Variants in ANKRD30B observed in about 807,000 individuals in gnomAD.
ANKRD30B encodes ankyrin repeat domain-containing protein 30B.
In ANKRD30B, 144 loss-of-function variants were observed where a neutral mutation model predicts 202.2. The observed-to-expected ratio is 0.71, with a 90% CI of 0.62 to 0.82. The LOEUF is 0.82. Among genes scored for constraint, ANKRD30B ranks in the 40% least tolerant of loss-of-function variants. The pLI is 0.00. For missense variants in ANKRD30B, 1,487 were observed against 1,669.1 expected (o/e 0.89, Z 1.90); for synonymous variants, 508 against 561.3 (o/e 0.91, Z 1.34).
Position 14,831,403 on chromosome 18 carries a change from C to T in ANKRD30B, c.2795C>T (p.Thr932Ile), listed in dbSNP as rs1317748448. ...STFSLFGKPT[T>I]ENSQSTKVEE... Reference sequence around the variant, plus strand: ...TCTAGTCTTTTTGGCAAACCGACTACTGAAAATTCACAGTCTACAAAAGTT... The same window carrying T: ...TCTAGTCTTTTTGGCAAACCGACTATTGAAAATTCACAGTCTACAAAAGTT... The change falls in exon 34 of 44, where the codon ACT (threonine) becomes ATT (isoleucine). Residue 932 changes from threonine to isoleucine, a missense_variant. Physicochemically the swap from Thr to Ile is moderately conservative, Grantham distance 89. Transcript: ENST00000690538. 1 of 1,530,214 alleles carries T rather than the reference C, an allele frequency of 6.5e-7. No individual in the cohort carries two copies. The highest frequency in any genetic ancestry group is 8.8e-7 in the Non-Finnish European group (1 of 1,135,652). The allele number at this position is 1,530,214 out of a possible 1,614,324, so 94.8% of individuals were successfully genotyped here.
In ANKRD30B at chr18:14,843,751, G is replaced by A. The variant is rs555149424; in HGVS notation, c.3181+655G>A. On this transcript the variant is annotated intron_variant, in intron 39 of 43. Coordinates refer to ENST00000690538, the MANE Select transcript of ANKRD30B (RefSeq NM_001367607.2). ...GGAGCTTGCAGTGAGCCGAGATGGC[G>A]CCACTGCACTCCAGCCTAGGGGACA... is the stretch of plus-strand genomic sequence containing the variant. Among the ~76,000 whole-genome samples, 846 of 152,150 alleles carry A rather than the reference G, an allele frequency of 5.6e-3. 6 individuals are homozygous for A. Among genetic ancestry groups the A allele is most frequent in the African/African-American group, 0.02 (820 of 41,496 alleles).
At chr18:14,806,172 AT>A (rs1311097458) in intron 24 of ANKRD30B, among the ~76,000 whole-genome samples, 2 of 149,514 alleles carry the variant, frequency 1.3e-5, no homozygotes, top group African/African-American at 5.0e-5. Context: ...GTCAGCCCAG[AT>A]CTCAACACTG....
rs537830732 is a variant in ANKRD30B at position 14,774,827 on chromosome 18, A to G, written c.1329+2599A>G. Among the ~76,000 whole-genome samples the G allele has an allele frequency of 2.7e-5, 4 of 146,434 alleles. No homozygotes were observed. The South Asian group carries it at 8.5e-4, about 31-fold the overall frequency. ...TTTTTGTTCTAGGTTATTTTAGCTA[A>G]AAAAAAAAAAAATCTAAGGGCCAGG... On this transcript the variant is annotated intron_variant, in intron 9 of 43. Coordinates refer to ENST00000690538, the MANE Select transcript of ANKRD30B (RefSeq NM_001367607.2).
chr18:14,855,941 C>A (rs1218016061), downstream of ANKRD30B, among the ~76,000 whole-genome samples: 1 of 148,932 alleles, frequency 6.7e-6, no homozygotes, highest in Non-Finnish European at 1.5e-5. Flanking sequence ...GGCGGCCTGG[C>A]AGAGGCGCTC....
intron 18 of ANKRD30B, 43 bp downstream of exon 18, chr18:14,796,458 T>A: frequency 6.6e-7 from 1 of 1,507,366 alleles, no homozygotes; most frequent in Non-Finnish European, 8.9e-7. Context: ...TTAAGAATAT[T>A]AAACTATTTG....
intron 7 of ANKRD30B, among the ~76,000 whole-genome samples, chr18:14,768,716 A>G (rs571658964): frequency 6.6e-6 from 1 of 152,338 alleles, no homozygotes; most frequent in East Asian, 1.9e-4. Context: ...CTTTCTACAC[A>G]TAGAGCAGAT....
At chr18:14,810,048 C>A (rs1334739063) in intron 27 of ANKRD30B, 34 bp downstream of exon 27, 2 of 1,455,834 alleles carry the variant, frequency 1.4e-6, no homozygotes, top group African/African-American at 1.4e-5. Context: ...TTGAATATTA[C>A]CTACATATTT....
At chr18:14,796,185 G>A (rs537069910) in intron 16 of ANKRD30B, 36 bp from the exon 17 acceptor site, 3 of 1,553,198 alleles carry the variant, frequency 1.9e-6, no homozygotes, top group South Asian at 2.2e-5. Flanking sequence ...TGTCAGGCTT[G>A]CATATAATCA....
At chr18:14,770,116 C>A (rs1966900176) in intron 8 of ANKRD30B, among the ~76,000 whole-genome samples, 2 of 151,934 alleles carry the variant, frequency 1.3e-5, no homozygotes, top group African/African-American at 2.4e-5. Flanking sequence ...TTTCTAGAGT[C>A]TTTTTTTCTT....
At chr18:14,934,795 G>C in the ANKRD30B span, among the ~76,000 whole-genome samples, 1 of 152,108 alleles carries the variant, frequency 6.6e-6, no homozygotes, top group African/African-American at 2.4e-5. Flanking sequence ...GCAGTCATGG[G>C]AGACGCTGGC....
intron 30 of ANKRD30B, among the ~76,000 whole-genome samples, chr18:14,821,051 G>C (rs1235439251): frequency 1.3e-5 from 2 of 152,164 alleles, no homozygotes; most frequent in Admixed American, 6.5e-5. Context: ...TCCTGTTATT[G>C]TTCTATTCAG....
chr18:14,938,549 T>C, the ANKRD30B span, among the ~76,000 whole-genome samples: 2 of 152,166 alleles, frequency 1.3e-5, no homozygotes, highest in African/African-American at 4.8e-5. Context: ...GTCTGAGACA[T>C]TCATAGTTCA....
chr18:14,937,679 C>T, the ANKRD30B span, among the ~76,000 whole-genome samples: 2 of 152,198 alleles, frequency 1.3e-5, no homozygotes, highest in Non-Finnish European at 2.9e-5. Context: ...AGCCGGTTCC[C>T]GCTCTGTGAA....
At chr18:14,827,084 C>T (rs914090395) in intron 32 of ANKRD30B, among the ~76,000 whole-genome samples, 5 of 152,032 alleles carry the variant, frequency 3.3e-5, no homozygotes, top group African/African-American at 1.2e-4. Flanking sequence ...TGTTAGGCTA[C>T]TAATTATTTC....
At chr18:14,844,015 G>A (rs2143205892) in intron 39 of ANKRD30B, among the ~76,000 whole-genome samples, 1 of 152,150 alleles carries the variant, frequency 6.6e-6, no homozygotes, top group Non-Finnish European at 1.5e-5. Flanking sequence ...TGTAGAATTT[G>A]TTTTCAACTG....
chr18:14,937,667 C>T, the ANKRD30B span, among the ~76,000 whole-genome samples: 1 of 152,200 alleles, frequency 6.6e-6, no homozygotes. Flanking sequence ...ACCGCTTGCT[C>T]GAGCCGGTTC....
At chr18:14,815,597 T>A (rs1283946145) in intron 30 of ANKRD30B, among the ~76,000 whole-genome samples, 3 of 152,142 alleles carry the variant, frequency 2.0e-5, no homozygotes, top group Non-Finnish European at 2.9e-5. Flanking sequence ...CAGAAAAGGT[T>A]AGGAGAAAGC....
At chr18:14,930,566 G>A in the ANKRD30B span, among the ~76,000 whole-genome samples, 1 of 152,214 alleles carries the variant, frequency 6.6e-6, no homozygotes, top group South Asian at 2.1e-4. Context: ...CTTCCTCTAA[G>A]GCCATGGACG....
At chr18:14,767,150 G>A (rs898145055) in intron 7 of ANKRD30B, among the ~76,000 whole-genome samples, 3 of 152,154 alleles carry the variant, frequency 2.0e-5, no homozygotes, top group Non-Finnish European at 2.9e-5. Flanking sequence ...AGTAAAGTGT[G>A]AGGAAAAGTG....
Sources: gnomAD v4.1 joint callset for allele counts (sites outside exome capture counted in the v4.1 genomes callset) on GRCh38, gnomAD v4.1.1 for gene constraint, MANE v1.5 for transcripts, NCBI Gene and HGNC (gene_info 2026-07-23, HGNC 2026-07-21) for gene names.